Variants in RUFY2 observed in about 807,000 individuals in gnomAD.
The protein encoded by RUFY2 is RUN and FYVE domain-containing protein 2.
A neutral mutation model predicts 94.4 loss-of-function variants in RUFY2; 49 were observed. That is an observed-to-expected ratio of 0.52 (90% CI 0.41 to 0.66). RUFY2 has a LOEUF of 0.66. RUFY2 is among the 30% of genes least tolerant of loss of function. RUFY2 has a pLI of 0.00. For missense variants in RUFY2, 541 were observed against 692.8 expected (o/e 0.78, Z 2.46); for synonymous variants, 255 against 235.7 (o/e 1.08, Z -0.75).
chr10:68,401,078 A>G (rs182141268), intron 3 of RUFY2, among the ~76,000 whole-genome samples: 1 of 152,380 alleles, frequency 6.6e-6, no homozygotes, highest in African/African-American at 2.4e-5. Flanking sequence ...TTAAATACTC[A>G]TGAAAGTATT....
At chr10:68,402,334 G>A (rs1031688850) in intron 2 of RUFY2, among the ~76,000 whole-genome samples, 1 of 151,672 alleles carries the variant, frequency 6.6e-6, no homozygotes, top group Non-Finnish European at 1.5e-5. Flanking sequence ...TCTGAGATTT[G>A]GTCAATATAA....
rs942252958 is a variant in RUFY2, at chr10:68,344,869, C to T, written c.*899G>A. The stretch of plus-strand genomic sequence containing the variant: ...AAATTTTTTGAACTGAACTCTAATA[C>T]ATTACCAAAGCAAAGTCCTGATTTT... On this transcript the variant is annotated 3_prime_UTR_variant, in exon 18 of 18. Coordinates refer to ENST00000602465, the MANE Select transcript of RUFY2 (RefSeq NM_001330103.2). 6.6e-6 allele frequency: 1 copy of T among 152,166 alleles called. No individual in the cohort carries two copies. Among genetic ancestry groups the T allele is most frequent in the African/African-American group, 2.4e-5 (1 of 41,440 alleles). The allele number at this position is 152,166 out of a possible 1,614,324, so 9.4% of individuals were successfully genotyped here.
chr10:68,350,970 T>TA (rs2046622706), intron 16 of RUFY2, among the ~76,000 whole-genome samples: 1 of 152,022 alleles, frequency 6.6e-6, no homozygotes, highest in Non-Finnish European at 1.5e-5. Context: ...CTCGGCCTCC[T>TA]AAAGTGCTGG....
downstream of RUFY2, chr10:68,341,558 CT>C (rs2045945184): frequency 8.3e-6 from 12 of 1,438,474 alleles, no homozygotes; most frequent in Non-Finnish European, 1.2e-5. Flanking sequence ...CCTTTCTCCC[CT>C]GTTACTCTTT....
intron 16 of RUFY2, among the ~76,000 whole-genome samples, chr10:68,354,916 T>C (rs1289899485): frequency 6.6e-6 from 1 of 151,644 alleles, no homozygotes; most frequent in Admixed American, 6.6e-5. Context: ...GCATGATCTC[T>C]GCTCATTGCA....
Position 68,345,746 on chromosome 10 carries a change from A to C in RUFY2, c.*22T>G, listed in dbSNP as rs377333410. ...ACATTCATTGTAGGTAATTTCATAC[A>C]TAAGGATTTAGTTCTGGAGTCTCAG... On this transcript the variant is annotated 3_prime_UTR_variant, in exon 18 of 18. Coordinates refer to ENST00000602465, the MANE Select transcript of RUFY2 (RefSeq NM_001330103.2). 5 of 1,597,690 alleles carry C rather than the reference A, an allele frequency of 3.1e-6. No homozygotes were observed. The highest frequency in any genetic ancestry group is 2.6e-6 in the Non-Finnish European group (3 of 1,169,344).
rs1438491257 is a variant in RUFY2, at chr10:68,381,052, TTTTG to T, written c.1107+176_1107+179del. ...ACATTAAAAATTTAGACAGGTGATA[TTTTG>T]TTTGTTGATACCTTTTTCATTACAT... On this transcript the variant is annotated intron_variant, in intron 11 of 17. Coordinates refer to ENST00000602465, the MANE Select transcript of RUFY2 (RefSeq NM_001330103.2). Among the ~76,000 whole-genome samples, 3 of 152,190 alleles carry T rather than the reference TTTTG, an allele frequency of 2.0e-5. No individual in the cohort carries two copies. In the East Asian group the frequency reaches 5.8e-4, roughly 29 times the overall value.
At chr10:68,400,020 T>C (rs1209143993) in intron 3 of RUFY2, among the ~76,000 whole-genome samples, 3 of 151,620 alleles carry the variant, frequency 2.0e-5, no homozygotes, top group Admixed American at 6.6e-5. Context: ...CCTCAGGTGA[T>C]CCGCCCACCT....
intron 12 of RUFY2, 23 bp downstream of exon 12, chr10:68,379,401 A>G: frequency 6.5e-7 from 1 of 1,542,906 alleles, no homozygotes; most frequent in East Asian, 2.3e-5. Context: ...GAAAAAAAGA[A>G]ACTAAGACTG....
intron 8 of RUFY2, among the ~76,000 whole-genome samples, chr10:68,384,476 G>C (rs544405478): frequency 6.6e-6 from 1 of 152,128 alleles, no homozygotes; most frequent in Admixed American, 6.5e-5. Context: ...CAAAGTGTCT[G>C]AGTAAACAAA....
intron 15 of RUFY2, among the ~76,000 whole-genome samples, chr10:68,361,484 T>A (rs1339779839): frequency 1.3e-5 from 2 of 152,194 alleles, no homozygotes; most frequent in African/African-American, 4.8e-5. Flanking sequence ...TAAGTGTCTG[T>A]CAAGAAATAA....
At chr10:68,379,768 T>C (rs1431536655) in intron 11 of RUFY2, among the ~76,000 whole-genome samples, 1 of 152,134 alleles carries the variant, frequency 6.6e-6, no homozygotes, top group African/African-American at 2.4e-5. Flanking sequence ...AGAGTTACTT[T>C]ATACATTAAA....
intron 2 of RUFY2, 89 bp from the exon 3 acceptor site, chr10:68,401,826 T>C: frequency 1.3e-6 from 1 of 771,590 alleles, no homozygotes; most frequent in African/African-American, 1.7e-5. Context: ...CATTTCTAAC[T>C]TAACATACAA....
At chr10:68,376,489 T>TATATATATATC (rs58358117) in intron 13 of RUFY2, among the ~76,000 whole-genome samples, 20 of 51,792 alleles carry the variant, frequency 3.9e-4, no homozygotes, top group Non-Finnish European at 6.8e-4. Flanking sequence ...TATATATATA[T>TATATATATATC]ATTCTCAGAA....
chr10:68,376,055 G>C (rs564303421), intron 13 of RUFY2, among the ~76,000 whole-genome samples: 1 of 143,048 alleles, frequency 7.0e-6, no homozygotes, highest in Non-Finnish European at 1.5e-5. Context: ...AGCCACCAAG[G>C]TCGTGCCATT....
chr10:68,382,713 CAAA>C (rs1275714576), intron 10 of RUFY2, among the ~76,000 whole-genome samples: 3 of 59,088 alleles, frequency 5.1e-5, no homozygotes, highest in Non-Finnish European at 3.3e-5. Context: ...GACTCTATCT[CAAA>C]AAAAAAAAAA....
chr10:68,381,399 C>T lies in RUFY2; in HGVS notation c.940G>A (p.Asp314Asn), dbSNP rs1222155148. The T allele has an allele frequency of 6.2e-7, 1 of 1,606,272 alleles. No homozygotes were observed. The highest frequency in any genetic ancestry group is 2.2e-5 in the East Asian group (1 of 44,726). Residue 314 changes from aspartate to asparagine, a missense_variant and splice_region_variant, in exon 11 of 18, where the codon GAT becomes AAT. Coordinates refer to ENST00000602465, the MANE Select transcript of RUFY2 (RefSeq NM_001330103.2). ...QLRDESQLRQ[D>N]VENELAVQVS... is the part of the protein sequence containing the mutation. ...TGTACTGCTAGCTCATTCTCTACAT[C>T]CTGCAATTTCAATGTATCCTCAATT...
At chr10:68,379,991 GT>G (rs1194735309) in intron 11 of RUFY2, among the ~76,000 whole-genome samples, 1 of 151,060 alleles carries the variant, frequency 6.6e-6, no homozygotes, top group Non-Finnish European at 1.5e-5. Flanking sequence ...TGTATTCTTA[GT>G]AGAGACAGGG....
chr10:68,376,475 T>C (rs1295994894), intron 13 of RUFY2, among the ~76,000 whole-genome samples: 1 of 51,886 alleles, frequency 1.9e-5, no homozygotes, highest in Admixed American at 2.1e-4. Flanking sequence ...TATATATATA[T>C]ATATATATAT....
Sources: gnomAD v4.1 joint callset for allele counts (sites outside exome capture counted in the v4.1 genomes callset) on GRCh38, gnomAD v4.1.1 for gene constraint, MANE v1.5 for transcripts, NCBI Gene and HGNC (gene_info 2026-07-23, HGNC 2026-07-21) for gene names.